Variants in RPL28 observed in about 807,000 individuals in gnomAD.
The protein encoded by RPL28 is ribosomal protein L28.
RPL28 carries 4 observed loss-of-function variants against 12.5 expected under a neutral mutation model. The observed-to-expected ratio is 0.32, with a 90% CI of 0.16 to 0.73. RPL28 has a LOEUF of 0.73. Ranked by LOEUF, RPL28 falls within the 30% of genes least tolerant of loss-of-function variation. RPL28 has a pLI of 0.66. For missense variants in RPL28, 214 were observed against 197.7 expected (o/e 1.08, Z -0.49); for synonymous variants, 91 against 72.5 (o/e 1.26, Z -1.30).
chr19:55,400,918 C>T lies in RPL28; in HGVS notation c.325-2025C>T, dbSNP rs115201589. The T allele has an allele frequency of 4.4e-3, 705 of 158,596 alleles. 8 individuals are homozygous for T. The highest frequency in any genetic ancestry group is 0.016 in the African/African-American group (658 of 41,628). The allele number at this position is 158,596 out of a possible 1,614,324, so 9.8% of individuals were successfully genotyped here. On this transcript the variant is annotated intron_variant, in intron 4 of 4. Coordinates refer to the RPL28 transcript ENST00000560055. ...CCAGTCCAGAACCAGACAGACGAGG[C>T]GAGCCTCATGCCAGACTGCTGGCAC...
chr19:55,396,477 TCC>T (rs112754863), downstream of RPL28, among the ~76,000 whole-genome samples: 2 of 12,874 alleles, frequency 1.6e-4, no homozygotes, highest in African/African-American at 5.0e-4. Flanking sequence ...AGGAAAGTTC[TCC>T]CCCCTCCCCT....
chr19:55,388,728 G>A lies in RPL28; in HGVS notation c.*396G>A, dbSNP rs1318009917. 7 of 1,027,286 alleles carry A rather than the reference G, an allele frequency of 6.8e-6. No homozygotes were observed. The East Asian group carries it at 5.9e-4, about 86-fold the overall frequency. 63.6% of individuals were successfully genotyped at this position (1,027,286 alleles called of 1,614,324 possible). A position where few individuals can be genotyped will look rare whatever the true frequency, so the allele number is the denominator to read the frequency against. On this transcript the variant is annotated 3_prime_UTR_variant, in exon 5 of 5. Coordinates refer to ENST00000344063, the MANE Select transcript of RPL28 (RefSeq NM_000991.5). Reference sequence around the variant, plus strand: ...CCCTGGGCCCTGGTGCTGTAGCACGGTTTGGGGACTTGGGGTGTTCCCAAG... The same window carrying A: ...CCCTGGGCCCTGGTGCTGTAGCACGATTTGGGGACTTGGGGTGTTCCCAAG...
Position 55,386,444 on chromosome 19 carries a change from T to G in RPL28, c.81+6T>G. ...ATAAGCAGACCTACAGCACTGTAAGTGGGGCCCGGATGCGTGGCTCCTGCG... is the reference window on the plus strand; with the variant it reads ...ATAAGCAGACCTACAGCACTGTAAGGGGGGCCCGGATGCGTGGCTCCTGCG... On this transcript the variant is annotated splice_donor_region_variant and intron_variant, in intron 2 of 4. Coordinates refer to ENST00000344063, the MANE Select transcript of RPL28 (RefSeq NM_000991.5). 1 of 1,613,804 alleles carries G rather than the reference T, an allele frequency of 6.2e-7. No homozygotes were observed. Among genetic ancestry groups the G allele is most frequent in the Non-Finnish European group, 8.5e-7 (1 of 1,179,734 alleles).
chr19:55,403,335 A>AAAAACTAGCTGGGT (rs2090074814), downstream of RPL28: 1 of 527,062 alleles, frequency 1.9e-6, no homozygotes, highest in Non-Finnish European at 3.4e-6. Context: ...ATAAAAATAT[A>AAAAACTAGCTGGGT]AAAACTAGCT....
chr19:55,401,628 G>T, intron 4 of RPL28: 6 of 1,605,952 alleles, frequency 3.7e-6, no homozygotes, highest in Non-Finnish European at 5.1e-6. Flanking sequence ...CGCTGGGCCC[G>T]CCGGCGCCCC....
intron 1 of RPL28, 83 bp from the exon 2 acceptor site, chr19:55,386,265 CCT>C: frequency 7.8e-7 from 1 of 1,287,730 alleles, no homozygotes. Context: ...TCGCTCTCTT[CCT>C]CTGCTGTCCG....
Position 55,391,912 on chromosome 19 carries a change from G to T in RPL28, c.*3580G>T. 2 of 1,312,730 alleles carry T rather than the reference G, an allele frequency of 1.5e-6. No individual in the cohort carries two copies. The highest frequency in any genetic ancestry group is 1.9e-6 in the Non-Finnish European group (2 of 1,026,116). 81.3% of individuals were successfully genotyped at this position (1,312,730 alleles called of 1,614,324 possible). A position where few individuals can be genotyped will look rare whatever the true frequency, so the allele number is the denominator to read the frequency against. On this transcript the variant is annotated 3_prime_UTR_variant, in exon 5 of 5. Transcript: ENST00000344063. ...AGTAATGCCTGGTGGCTCCAGGTCT[G>T]CCCCGCCGTCCTGTGGGGCTGTGAG...
intron 3 of RPL28, chr19:55,387,094 G>T (rs2089938258): frequency 7.2e-7 from 1 of 1,393,258 alleles, no homozygotes; most frequent in Non-Finnish European, 9.6e-7. Context: ...AGGCTGGGTT[G>T]GTTGCAGCCA....
chr19:55,401,562 G>T, intron 4 of RPL28: 2 of 1,610,378 alleles, frequency 1.2e-6, no homozygotes, highest in East Asian at 2.2e-5. Flanking sequence ...GGGCCCCAGG[G>T]TCGGTGGAGG....
Position 55,390,396 on chromosome 19 carries a change from G to A in RPL28, c.*2064G>A, listed in dbSNP as rs2089979383. 1 of 873,188 alleles carries A rather than the reference G, an allele frequency of 1.1e-6. No homozygotes were observed. Among genetic ancestry groups the A allele is most frequent in the Admixed American group, 6.2e-5 (1 of 16,114 alleles). 54.1% of individuals were successfully genotyped at this position (873,188 alleles called of 1,614,324 possible). On this transcript the variant is annotated 3_prime_UTR_variant, in exon 5 of 5. Coordinates refer to ENST00000344063, the MANE Select transcript of RPL28 (RefSeq NM_000991.5). ...AGTATTGTATTTTTAGCAGAGATGG[G>A]GTTTCACCATTTTGCCCAGGCTGGT...
At position 55,391,659 on chromosome 19, in the gene RPL28, C is replaced by T. The variant is rs751306411; in HGVS notation, c.*3327C>T. On this transcript the variant is annotated 3_prime_UTR_variant, in exon 5 of 5. Transcript: ENST00000344063. ...TCTTCGTACCCTCATCTGTAACATG[C>T]GTGTCGATAGACCCTACTACTCAGG... 23 of 1,543,066 alleles carry T rather than the reference C, an allele frequency of 1.5e-5. No individual in the cohort carries two copies. In the African/African-American group the frequency reaches 1.8e-4, roughly 12 times the overall value.
chr19:55,388,698 C>T lies in RPL28; in HGVS notation c.*366C>T, dbSNP rs1007650911. ...AGCCCAGAAGGGTGCAGGCTGAGGG[C>T]TGGGCCCTGGGCCCTGGTGCTGTAG... On this transcript the variant is annotated 3_prime_UTR_variant, in exon 5 of 5. Coordinates refer to ENST00000344063, the MANE Select transcript of RPL28 (RefSeq NM_000991.5). 7.6e-6 allele frequency: 8 copies of T among 1,049,380 alleles called. No individual in the cohort carries two copies. In the African/African-American group the frequency reaches 1.3e-4, roughly 18 times the overall value. 65.0% of individuals were successfully genotyped at this position (1,049,380 alleles called of 1,614,324 possible). A position where few individuals can be genotyped will look rare whatever the true frequency, so the allele number is the denominator to read the frequency against.
intron 4 of RPL28, among the ~76,000 whole-genome samples, chr19:55,397,379 A>ATGTTTT (rs904781275): frequency 2.6e-5 from 4 of 152,008 alleles, no homozygotes; most frequent in Admixed American, 1.3e-4. Flanking sequence ...ATCGGGACAA[A>ATGTTTT]TGTTTTTGTT....
chr19:55,387,419 T>C, intron 3 of RPL28: 1 of 1,541,946 alleles, frequency 6.5e-7, no homozygotes, highest in Admixed American at 2.0e-5. Flanking sequence ...GAGCAGCCAA[T>C]TGCTTGGCAC....
intron 4 of RPL28, chr19:55,401,784 C>T: frequency 6.2e-7 from 1 of 1,612,574 alleles, no homozygotes; most frequent in Non-Finnish European, 8.5e-7. Flanking sequence ...GGCTCAGGGT[C>T]ACAGTGGGTC....
Position 55,388,532 on chromosome 19 carries a change from TC to T in RPL28, c.*203del. 7.8e-7 allele frequency: 1 copy of T among 1,290,132 alleles called. No homozygotes were observed. Among genetic ancestry groups the T allele is most frequent in the Non-Finnish European group, 9.8e-7 (1 of 1,017,404 alleles). The allele number at this position is 1,290,132 out of a possible 1,614,324, so 79.9% of individuals were successfully genotyped here. ...CAGGAGGGGTGGGGTAGCTGCCTTG[TC>T]CCTGGTGAGGGCAAGGGTCACTGTC... On this transcript the variant is annotated 3_prime_UTR_variant, in exon 5 of 5. Coordinates refer to ENST00000344063, the MANE Select transcript of RPL28 (RefSeq NM_000991.5).
rs538505150 is a variant in RPL28 at position 55,389,107 on chromosome 19, C to T, written c.*775C>T. On this transcript the variant is annotated 3_prime_UTR_variant, in exon 5 of 5. Coordinates refer to ENST00000344063, the MANE Select transcript of RPL28 (RefSeq NM_000991.5). ...TGCCCAGCCCTCTTGTTTCCTTTGG[C>T]CTGTTTGCTCCCTAGTGTTTATTAC... 10 of 985,554 alleles carry T rather than the reference C, an allele frequency of 1.0e-5. No homozygotes were observed. Among genetic ancestry groups the T allele is most frequent in the Middle Eastern group, 5.2e-4 (1 of 1,914 alleles). The allele number at this position is 985,554 out of a possible 1,614,324, so 61.1% of individuals were successfully genotyped here. A position where few individuals can be genotyped will look rare whatever the true frequency, so the allele number is the denominator to read the frequency against.
At chr19:55,386,760 C>G in intron 3 of RPL28, 67 bp downstream of exon 3, 2 of 1,611,728 alleles carry the variant, frequency 1.2e-6, no homozygotes, top group Middle Eastern at 1.7e-4. Flanking sequence ...TGATTTTTTA[C>G]TGTCAGGCAG....
intron 1 of RPL28, 25 bp from the exon 2 acceptor site, chr19:55,386,324 CT>C: frequency 3.7e-6 from 6 of 1,608,876 alleles, no homozygotes; most frequent in Non-Finnish European, 5.1e-6. Flanking sequence ...GTGTCTGACG[CT>C]TTCCCTGTGC....
Sources: allele counts gnomAD v4.1 joint callset (sites outside exome capture counted in the v4.1 genomes callset), GRCh38; gene constraint gnomAD v4.1.1; transcripts MANE v1.5; gene names NCBI Gene and HGNC (gene_info 2026-07-23, HGNC 2026-07-21).